The following CWC27 variants were observed in gnomAD, a reference collection of about 807,000 sequenced individuals.
CWC27 encodes the protein spliceosome-associated protein CWC27 homolog.
A neutral mutation model predicts 63.6 loss-of-function variants in CWC27; 47 were observed. The observed-to-expected ratio is 0.74, with a 90% CI of 0.58 to 0.94. The LOEUF is 0.94. Ranked by LOEUF, CWC27 falls within the 40% of genes least tolerant of loss-of-function variation. CWC27 has a pLI of 0.00. For synonymous variants in CWC27, 175 were observed against 179.8 expected, an observed-to-expected ratio of 0.97 and a Z score of 0.22; for missense variants, 495 against 554.3, an observed-to-expected ratio of 0.89 and a Z score of 1.07.
chr5:64,971,031 ATG>A (rs1749116746), intron 11 of CWC27, among the ~76,000 whole-genome samples: 1 of 151,500 alleles, frequency 6.6e-6, no homozygotes, highest in South Asian at 2.1e-4. Context: ...ATATTTACAC[ATG>A]TGAGGTATTA....
chr5:64,969,939 A>C (rs1407299196), intron 11 of CWC27, among the ~76,000 whole-genome samples: 2 of 152,192 alleles, frequency 1.3e-5, no homozygotes, highest in Non-Finnish European at 2.9e-5. Flanking sequence ...TGAAGGAAGA[A>C]AAGCATGTGC....
chr5:64,954,941 A>G (rs1439018105), intron 11 of CWC27, among the ~76,000 whole-genome samples: 1 of 152,118 alleles, frequency 6.6e-6, no homozygotes, highest in Admixed American at 6.6e-5. Context: ...CCAAATTTAT[A>G]GAAAATATAA....
chr5:64,907,143 G>A (rs974185208), intron 11 of CWC27, among the ~76,000 whole-genome samples: 19 of 152,106 alleles, frequency 1.2e-4, no homozygotes, highest in Non-Finnish European at 2.5e-4. Flanking sequence ...TTGACTTGGC[G>A]ATGCGGGCTC....
intron 11 of CWC27, among the ~76,000 whole-genome samples, chr5:64,959,093 T>C (rs1165269343): frequency 1.3e-5 from 2 of 152,098 alleles, no homozygotes; most frequent in African/African-American, 2.4e-5. Flanking sequence ...GTCCATAGTA[T>C]AGAAAAAATA....
At chr5:65,012,981 A>G (rs1749988337) in intron 13 of CWC27, among the ~76,000 whole-genome samples, 2 of 152,208 alleles carry the variant, frequency 1.3e-5, no homozygotes, top group Non-Finnish European at 2.9e-5. Context: ...TTTTAAAGCT[A>G]CTTGGTGATT....
rs75651002 is a variant in CWC27, at chr5:64,869,531, G to T, written c.939-15912G>T. ...CCCACAGAGAAGTTAAGTCTATGAA[G>T]CCTTATGGAAAAGAAAAACTGACCT... On this transcript the variant is annotated intron_variant, in intron 10 of 13. Transcript: ENST00000381070. Among the ~76,000 whole-genome samples the T allele has an allele frequency of 3.9e-3, 599 of 152,092 alleles. 9 individuals carry two copies. Among genetic ancestry groups the T allele is most frequent in the South Asian group, 7.5e-3 (36 of 4,818 alleles).
In CWC27 at chr5:64,798,453, G is replaced by T. The variant is rs74421039; in HGVS notation, c.670-1795G>T. Among the ~76,000 whole-genome samples the T allele has an allele frequency of 3.8e-3, 580 of 152,232 alleles. 3 individuals are homozygous for T. The highest frequency in any genetic ancestry group is 0.012 in the African/African-American group (501 of 41,546). On this transcript the variant is annotated intron_variant, in intron 7 of 13. Transcript: ENST00000381070. ...TTCATAGTCAGACAAACATTATCCA[G>T]TAATTAGATGACATTTTGCTTTTTC...
chr5:64,790,895 C>T (rs1423288963), intron 7 of CWC27, among the ~76,000 whole-genome samples: 1 of 152,160 alleles, frequency 6.6e-6, no homozygotes, highest in African/African-American at 2.4e-5. Context: ...TTAAATAACT[C>T]ATCCATGATC....
chr5:64,793,509 A>G (rs1172537338), intron 7 of CWC27, among the ~76,000 whole-genome samples: 1 of 152,122 alleles, frequency 6.6e-6, no homozygotes, highest in Non-Finnish European at 1.5e-5. Context: ...ACAGTTTTTT[A>G]CACTACCAGC....
At chr5:65,015,925 C>T (rs1240077006) in intron 13 of CWC27, among the ~76,000 whole-genome samples, 3 of 152,154 alleles carry the variant, frequency 2.0e-5, no homozygotes, top group Non-Finnish European at 4.4e-5. Flanking sequence ...AGTCTGCAGC[C>T]GACAGGCCAA....
chr5:65,010,700 C>G, intron 13 of CWC27, among the ~76,000 whole-genome samples: 1 of 152,184 alleles, frequency 6.6e-6, no homozygotes, highest in East Asian at 1.9e-4. Context: ...GCTAATCATA[C>G]ACTAGACAGA....
chr5:64,948,685 A>G (rs1748643074), intron 11 of CWC27, among the ~76,000 whole-genome samples: 1 of 152,032 alleles, frequency 6.6e-6, no homozygotes, highest in South Asian at 2.1e-4. Context: ...ATTAATAATC[A>G]TAATTTAGCA....
At chr5:64,975,868 C>T (rs1046004671) in intron 12 of CWC27, among the ~76,000 whole-genome samples, 18 of 151,976 alleles carry the variant, frequency 1.2e-4, no homozygotes, top group African/African-American at 3.6e-4. Context: ...AATTGGAGAC[C>T]GGCCTGGCCA....
chr5:65,006,190 G>C (rs1008010556), intron 13 of CWC27, among the ~76,000 whole-genome samples: 9 of 152,300 alleles, frequency 5.9e-5, no homozygotes, highest in Non-Finnish European at 5.9e-5. Context: ...ACCTGTAAAA[G>C]TATTAGTCAT....
intron 7 of CWC27, among the ~76,000 whole-genome samples, chr5:64,793,140 G>T (rs1288413069): frequency 6.6e-6 from 1 of 151,980 alleles, no homozygotes; most frequent in Non-Finnish European, 1.5e-5. Flanking sequence ...AGCCTTTTTG[G>T]GTAGGAAGCC....
At chr5:64,798,914 G>A (rs769005166) in intron 7 of CWC27, among the ~76,000 whole-genome samples, 1 of 152,184 alleles carries the variant, frequency 6.6e-6, no homozygotes, top group Non-Finnish European at 1.5e-5. Flanking sequence ...TTAGTTGGGA[G>A]TTGGGGTGGT....
At chr5:64,874,613 C>T (rs547072441) in intron 10 of CWC27, among the ~76,000 whole-genome samples, 30 of 151,818 alleles carry the variant, frequency 2.0e-4, no homozygotes, top group Admixed American at 5.9e-4. Flanking sequence ...GTTACAGACA[C>T]GCACCACCAT....
At chr5:64,876,689 A>T (rs1746801899) in intron 10 of CWC27, among the ~76,000 whole-genome samples, 1 of 152,120 alleles carries the variant, frequency 6.6e-6, no homozygotes, top group Non-Finnish European at 1.5e-5. Context: ...GCTTGACTTC[A>T]TCACCCTTAT....
At chr5:64,948,722 G>C (rs1382045026) in intron 11 of CWC27, among the ~76,000 whole-genome samples, 1 of 152,004 alleles carries the variant, frequency 6.6e-6, no homozygotes, top group Non-Finnish European at 1.5e-5. Context: ...GGCAGCATTT[G>C]TGTTTCAAAT....
Sources: allele counts gnomAD v4.1 joint callset (sites outside exome capture counted in the v4.1 genomes callset), GRCh38; gene constraint gnomAD v4.1.1; transcripts MANE v1.5; gene names NCBI Gene and HGNC (gene_info 2026-07-23, HGNC 2026-07-21).